SCYL2: variants seen among roughly 807,000 people sequenced by gnomAD.
The protein encoded by SCYL2 is SCY1 like pseudokinase 2, also known as SCY1-like protein 2.
In SCYL2, 36 loss-of-function variants were observed where a neutral mutation model predicts 100.4. The ratio of observed to expected loss-of-function variants is 0.36; its 90% CI spans 0.27 to 0.47. The LOEUF (loss-of-function observed/expected upper bound fraction) is 0.47, where lower values mean the gene tolerates loss of function less well. Among genes scored for constraint, SCYL2 ranks in the 20% least tolerant of loss-of-function variants. SCYL2 has a pLI of 1.00. For synonymous variants in SCYL2, 330 were observed against 359.2 expected (o/e 0.92, Z 0.92); for missense variants, 902 against 1,083.9 (o/e 0.83, Z 2.36).
At chr12:100,337,310 C>T (rs1952290645) in intron 16 of SCYL2, 77 bp from the exon 17 acceptor site, 4 of 1,567,432 alleles carry the variant, frequency 2.6e-6, no homozygotes, top group Admixed American at 2.0e-5. Flanking sequence ...ATGTACTTTA[C>T]CCGAAGAGAT....
intron 1 of SCYL2, among the ~76,000 whole-genome samples, chr12:100,271,899 G>A (rs1409943866): frequency 1.3e-5 from 2 of 152,180 alleles, no homozygotes; most frequent in African/African-American, 4.8e-5. Context: ...AATTTTACCT[G>A]TTACATTTCT....
chr12:100,297,937 G>T (rs922627671), intron 3 of SCYL2, 94 bp from the exon 4 acceptor site: 190 of 970,436 alleles, frequency 2.0e-4, no homozygotes, highest in Middle Eastern at 3.1e-4. Context: ...CCTTCTTATT[G>T]ATAGTTTAAT....
chr12:100,314,996 T>TA (rs1253364190), intron 8 of SCYL2, among the ~76,000 whole-genome samples: 14 of 152,212 alleles, frequency 9.2e-5, no homozygotes, highest in Non-Finnish European at 2.1e-4. Context: ...ATACAGTTTT[T>TA]AAAATGTTGG....
At chr12:100,302,497 T>C (rs1466242799) in intron 4 of SCYL2, among the ~76,000 whole-genome samples, 2 of 152,228 alleles carry the variant, frequency 1.3e-5, no homozygotes, top group African/African-American at 2.4e-5. Flanking sequence ...TAGGATTTTA[T>C]TTCTCCTTCA....
chr12:100,282,605 G>T lies in SCYL2; in HGVS notation c.-28-338G>T, dbSNP rs115523124. 2.5e-3 allele frequency among the ~76,000 whole-genome samples: 379 copies of T among 152,180 alleles called. 2 individuals are homozygous for T. The highest frequency in any genetic ancestry group is 8.7e-3 in the African/African-American group (361 of 41,518). On this transcript the variant is annotated intron_variant, in intron 1 of 17. Transcript: ENST00000360820. Reference sequence around the variant, plus strand: ...CTCCCGAAGTGCTGATATTACAGGCGTGAGCCACCATGCCCATCCCCCACT... The same window carrying T: ...CTCCCGAAGTGCTGATATTACAGGCTTGAGCCACCATGCCCATCCCCCACT...
intron 17 of SCYL2, 142 bp from the exon 18 acceptor site, chr12:100,338,386 G>C: frequency 1.7e-6 from 1 of 579,138 alleles, no homozygotes; most frequent in Non-Finnish European, 2.8e-6. Context: ...GTATTTGACC[G>C]GCAGGCTATA....
At chr12:100,301,739 A>G (rs927166690) in intron 4 of SCYL2, among the ~76,000 whole-genome samples, 5 of 152,250 alleles carry the variant, frequency 3.3e-5, no homozygotes, top group South Asian at 4.1e-4. Flanking sequence ...GGGCACCTCA[A>G]GAACCCACTT....
chr12:100,317,037 G>A (rs1166266450), intron 9 of SCYL2, among the ~76,000 whole-genome samples: 3 of 151,890 alleles, frequency 2.0e-5, no homozygotes, highest in African/African-American at 4.8e-5. Context: ...TCGAGGCTGC[G>A]GTAAGCTATG....
intron 17 of SCYL2, among the ~76,000 whole-genome samples, chr12:100,337,988 C>T (rs1952300994): frequency 6.6e-6 from 1 of 152,158 alleles, no homozygotes; most frequent in Admixed American, 6.5e-5. Context: ...AATAAGGGCC[C>T]TGCTTGTAGA....
At chr12:100,272,550 G>T (rs987660846) in intron 1 of SCYL2, among the ~76,000 whole-genome samples, 10 of 151,852 alleles carry the variant, frequency 6.6e-5, no homozygotes, top group Admixed American at 2.0e-4. Context: ...TAAGTTTTTG[G>T]CCTGCATGTC....
intron 6 of SCYL2, 23 bp downstream of exon 6, chr12:100,312,676 C>T: frequency 1.9e-6 from 3 of 1,549,790 alleles, no homozygotes; most frequent in Non-Finnish European, 2.6e-6. Context: ...AAATAATTTG[C>T]TTGCATTAAA....
chr12:100,310,275 C>T (rs193271270), intron 4 of SCYL2, among the ~76,000 whole-genome samples: 1 of 152,202 alleles, frequency 6.6e-6, no homozygotes, highest in Non-Finnish European at 1.5e-5. Flanking sequence ...GGATTACAGG[C>T]ATGAGCCACT....
intron 2 of SCYL2, among the ~76,000 whole-genome samples, chr12:100,286,497 T>C (rs2135840369): frequency 6.6e-6 from 1 of 152,276 alleles, no homozygotes. Context: ...AGGGTAGGTT[T>C]GTGTTAGTTG....
intron 2 of SCYL2, 41 bp downstream of exon 2, chr12:100,283,188 G>A: frequency 1.3e-6 from 2 of 1,505,400 alleles, no homozygotes; most frequent in Non-Finnish European, 1.8e-6. Context: ...AAACCCACAT[G>A]CTAAGAACCA....
intron 2 of SCYL2, among the ~76,000 whole-genome samples, chr12:100,284,104 G>T (rs916168290): frequency 6.6e-6 from 1 of 152,172 alleles, no homozygotes; most frequent in African/African-American, 2.4e-5. Context: ...TTTACAATCA[G>T]TTATATAAGG....
intron 4 of SCYL2, among the ~76,000 whole-genome samples, chr12:100,309,962 G>A (rs1299168641): frequency 2.6e-5 from 4 of 151,722 alleles, no homozygotes; most frequent in Non-Finnish European, 4.4e-5. Context: ...TTATCCCATG[G>A]TATGTAAAGA....
chr12:100,283,389 C>T (rs991127357), intron 2 of SCYL2, among the ~76,000 whole-genome samples: 9 of 152,074 alleles, frequency 5.9e-5, no homozygotes, highest in African/African-American at 2.2e-4. Flanking sequence ...TATAATTTTG[C>T]TTACTTAATA....
intron 4 of SCYL2, among the ~76,000 whole-genome samples, chr12:100,310,611 A>G (rs942076875): frequency 3.3e-5 from 5 of 152,234 alleles, no homozygotes; most frequent in African/African-American, 4.8e-5. Context: ...CTTCAGTTGA[A>G]TATTTGAAAA....
chr12:100,313,111 CAG>C (rs563508125), intron 6 of SCYL2, among the ~76,000 whole-genome samples: 89 of 152,236 alleles, frequency 5.8e-4, no homozygotes, highest in African/African-American at 2.1e-3. Flanking sequence ...CCTGGGGTGA[CAG>C]AGTGAGACCC....
Sources: gnomAD v4.1 joint callset for allele counts (sites outside exome capture counted in the v4.1 genomes callset) on GRCh38, gnomAD v4.1.1 for gene constraint, MANE v1.5 for transcripts, NCBI Gene and HGNC (gene_info 2026-07-23, HGNC 2026-07-21) for gene names.